The following GATAD2A variants were observed in gnomAD, a reference collection of about 807,000 sequenced individuals.
GATAD2A encodes transcriptional repressor p66-alpha.
In GATAD2A, 12 loss-of-function variants were observed where a neutral mutation model predicts 68.5. The ratio of observed to expected loss-of-function variants is 0.18; its 90% confidence interval spans 0.11 to 0.28. The LOEUF is 0.28. Among genes scored for constraint, GATAD2A ranks in the 10% least tolerant of loss-of-function variants. The pLI is 1.00. For missense variants in GATAD2A, 755 were observed against 868.5 expected (o/e 0.87, Z 1.64); for synonymous variants, 410 against 375.3 (o/e 1.09, Z -1.07).
Position 19,386,573 on chromosome 19 carries a change from G to C in GATAD2A, c.-7+435G>C, listed in dbSNP as rs189954287. Among the ~76,000 whole-genome samples, 3 of 151,406 alleles carry C rather than the reference G, an allele frequency of 2.0e-5. No homozygotes were observed. The East Asian group carries it at 5.9e-4, about 30-fold the overall frequency. ...GGCAGGGGACCCCGCTTCTCTAGGG[G>C]AACGCTGCCTCTCTAGAGGATCCGT... On this transcript the variant is annotated intron_variant, in intron 1 of 11. Coordinates refer to the GATAD2A transcript ENST00000360315.
chr19:19,465,166 A>G (rs1477399983), intron 1 of GATAD2A, among the ~76,000 whole-genome samples, 174 bp from the exon 2 acceptor site: 1 of 152,152 alleles, frequency 6.6e-6, no homozygotes, highest in East Asian at 1.9e-4. Flanking sequence ...GCCTTCCTCA[A>G]GGCAGTGATG....
chr19:19,490,966 T>A (rs553876717), intron 2 of GATAD2A, among the ~76,000 whole-genome samples: 1 of 152,190 alleles, frequency 6.6e-6, no homozygotes, highest in Non-Finnish European at 1.5e-5. Flanking sequence ...AGCTGCTTGG[T>A]TGGGGACAAA....
chr19:19,470,414 G>A lies in GATAD2A; in HGVS notation c.269+4800G>A, dbSNP rs1312756417. Among the ~76,000 whole-genome samples, 45 of 152,294 alleles carry A rather than the reference G, an allele frequency of 3.0e-4. 1 individual carries two copies. Among genetic ancestry groups the A allele is most frequent in the Admixed American group, 2.9e-3 (44 of 15,294 alleles). On this transcript the variant is annotated intron_variant, in intron 2 of 11. Coordinates refer to ENST00000683918, the MANE Select transcript of GATAD2A (RefSeq NM_001384528.1). Reference sequence around the variant, plus strand: ...CTCCCAAATTGCTGGGATTACAGGCGTGAGCCACTGTGCCCAGCTGCGACA... The same window carrying A: ...CTCCCAAATTGCTGGGATTACAGGCATGAGCCACTGTGCCCAGCTGCGACA...
Position 19,506,899 on chromosome 19 carries a change from T to C in GATAD2A, c.*1425T>C, listed in dbSNP as rs1270574900. 1 of 148,884 alleles carries C rather than the reference T, an allele frequency of 6.7e-6. No individual in the cohort carries two copies. Among genetic ancestry groups the C allele is most frequent in the African/African-American group, 2.4e-5 (1 of 40,892 alleles). 9.2% of individuals were successfully genotyped at this position (148,884 alleles called of 1,614,324 possible). A position where few individuals can be genotyped will look rare whatever the true frequency, so the allele number is the denominator to read the frequency against. On this transcript the variant is annotated 3_prime_UTR_variant, in exon 12 of 12. Transcript: ENST00000683918. ...TTCCTACCCATGCAGTTAGGGACTTTAATTTAATTTTTTTTTTGTAGGGCC... is the reference window on the plus strand; with the variant it reads ...TTCCTACCCATGCAGTTAGGGACTTCAATTTAATTTTTTTTTTGTAGGGCC...
chr19:19,410,609 G>A (rs1260449630), intron 1 of GATAD2A, among the ~76,000 whole-genome samples: 2 of 152,136 alleles, frequency 1.3e-5, no homozygotes, highest in African/African-American at 2.4e-5. Context: ...TGGTGCCTTC[G>A]AGCACACACT....
chr19:19,408,505 CTT>C (rs1212955419), intron 1 of GATAD2A, among the ~76,000 whole-genome samples: 2 of 152,040 alleles, frequency 1.3e-5, no homozygotes, highest in East Asian at 3.9e-4. Context: ...TTTTAGAAAA[CTT>C]TTTAGTGTCT....
chr19:19,462,428 T>C (rs2057517682), intron 1 of GATAD2A, among the ~76,000 whole-genome samples: 1 of 152,162 alleles, frequency 6.6e-6, no homozygotes, highest in Non-Finnish European at 1.5e-5. Context: ...CTGTCCTTCC[T>C]GAGGTGGGGG....
chr19:19,496,548 G>A (rs1317384690), intron 7 of GATAD2A, among the ~76,000 whole-genome samples: 2 of 152,246 alleles, frequency 1.3e-5, no homozygotes, highest in African/African-American at 4.8e-5. Flanking sequence ...AGCAGGTTTA[G>A]GGGGATAGTC....
At chr19:19,473,039 C>G (rs905981506) in intron 2 of GATAD2A, among the ~76,000 whole-genome samples, 2 of 152,214 alleles carry the variant, frequency 1.3e-5, no homozygotes, top group Admixed American at 6.5e-5. Flanking sequence ...CCTTACTTCA[C>G]CTGGGAGGAG....
intron 1 of GATAD2A, among the ~76,000 whole-genome samples, chr19:19,438,998 C>G (rs922963261): frequency 3.9e-5 from 6 of 152,262 alleles, no homozygotes; most frequent in Non-Finnish European, 7.3e-5. Context: ...CTAGCCCACA[C>G]TTGCTTTAAG....
intron 1 of GATAD2A, among the ~76,000 whole-genome samples, chr19:19,413,746 G>C (rs2051248577): frequency 6.6e-6 from 1 of 151,988 alleles, no homozygotes; most frequent in Non-Finnish European, 1.5e-5. Context: ...AACTTTGCCT[G>C]GCTAATTTTT....
At chr19:19,409,326 T>G (rs927425738) in intron 1 of GATAD2A, among the ~76,000 whole-genome samples, 17 of 152,086 alleles carry the variant, frequency 1.1e-4, no homozygotes, top group African/African-American at 4.1e-4. Context: ...CTAGGAAGAT[T>G]ATGAAATAGG....
At chr19:19,434,336 TG>T (rs1351567663) in intron 1 of GATAD2A, among the ~76,000 whole-genome samples, 3 of 152,104 alleles carry the variant, frequency 2.0e-5, no homozygotes, top group African/African-American at 7.2e-5. Context: ...TGCTGCCCAT[TG>T]GGTTTCTCAG....
At chr19:19,426,965 T>C (rs956017524) in intron 1 of GATAD2A, among the ~76,000 whole-genome samples, 3 of 152,326 alleles carry the variant, frequency 2.0e-5, no homozygotes, top group South Asian at 2.1e-4. Context: ...TGTGCTTTTT[T>C]TCTGTACACG....
At chr19:19,450,960 C>G (rs1467020999) in intron 1 of GATAD2A, among the ~76,000 whole-genome samples, 1 of 151,302 alleles carries the variant, frequency 6.6e-6, no homozygotes, top group Non-Finnish European at 1.5e-5. Context: ...TTAGTAGAGA[C>G]GGGGTTTCAC....
rs1234429722 is a variant in GATAD2A at position 19,492,624 on chromosome 19, A to G, written c.446A>G (p.Lys149Arg). 2 of 1,614,068 alleles carry G rather than the reference A, an allele frequency of 1.2e-6. No homozygotes were observed. Among genetic ancestry groups the G allele is most frequent in the Non-Finnish European group, 1.7e-6 (2 of 1,180,000 alleles). ...EERERMIKQL[K>R]EELRLEEAKL... ...CGAGAAAGGATGATCAAGCAGCTGAAGGAAGAATTGAGGTTAGAAGAAGCA... is the reference window on the plus strand; with the variant it reads ...CGAGAAAGGATGATCAAGCAGCTGAGGGAAGAATTGAGGTTAGAAGAAGCA... The change falls in exon 4 of 12, where the codon AAG becomes AGG. Residue 149 changes from lysine to arginine, a missense_variant. Coordinates refer to ENST00000683918, the MANE Select transcript of GATAD2A (RefSeq NM_001384528.1).
At chr19:19,487,802 A>T (rs77157813) in intron 2 of GATAD2A, among the ~76,000 whole-genome samples, 2,884 of 152,198 alleles carry the variant, frequency 0.019, 57 homozygotes, top group Non-Finnish European at 0.027. Context: ...TGAGCCCAAG[A>T]TGAGTGTTTG....
At chr19:19,461,562 C>G (rs530750852) in intron 1 of GATAD2A, among the ~76,000 whole-genome samples, 1 of 152,212 alleles carries the variant, frequency 6.6e-6, no homozygotes, top group Non-Finnish European at 1.5e-5. Flanking sequence ...TCCTATCTGC[C>G]CTAAAGCCCA....
At chr19:19,503,302 G>C (rs2060663596) in intron 11 of GATAD2A, among the ~76,000 whole-genome samples, 1 of 152,190 alleles carries the variant, frequency 6.6e-6, no homozygotes, top group Non-Finnish European at 1.5e-5. Context: ...AGGTAGGAGA[G>C]GACAATCATG....
Sources: gnomAD v4.1 joint callset for allele counts (sites outside exome capture counted in the v4.1 genomes callset) on GRCh38, gnomAD v4.1.1 for gene constraint, MANE v1.5 for transcripts, NCBI Gene and HGNC (gene_info 2026-07-23, HGNC 2026-07-21) for gene names.